Variants in FAM200B observed in about 807,000 individuals in gnomAD.
FAM200B encodes protein FAM200B.
Under a neutral mutation model 33.1 loss-of-function variants are expected in FAM200B, and 32 were observed. That is an observed-to-expected ratio of 0.97 (90% CI 0.73 to 1.30). FAM200B has a LOEUF of 1.30. Ranked by LOEUF, FAM200B falls within the 50% of genes most tolerant of loss-of-function variation. FAM200B has a pLI of 0.00. For synonymous variants in FAM200B, 240 were observed against 264.8 expected, an observed-to-expected ratio of 0.91 and a Z score of 0.91; for missense variants, 741 against 754.0, an observed-to-expected ratio of 0.98 and a Z score of 0.20.
the FAM200B span, among the ~76,000 whole-genome samples, chr4:15,654,196 G>A: frequency 6.6e-6 from 1 of 152,170 alleles, no homozygotes; most frequent in Non-Finnish European, 1.5e-5. Flanking sequence ...TGCAATTTCT[G>A]AGAATTCCTA....
the FAM200B span, among the ~76,000 whole-genome samples, chr4:15,666,998 A>C: frequency 2.0e-5 from 3 of 151,740 alleles, no homozygotes; most frequent in Non-Finnish European, 4.4e-5. Flanking sequence ...ATAAATTATC[A>C]ATCAAAATAA....
the FAM200B span, among the ~76,000 whole-genome samples, chr4:15,669,743 T>C: frequency 6.6e-6 from 1 of 152,344 alleles, no homozygotes; most frequent in East Asian, 1.9e-4. Context: ...GTCAGTACTT[T>C]TTTTCTTATT....
the FAM200B span, among the ~76,000 whole-genome samples, chr4:15,645,800 T>TTACTAACTC: frequency 6.6e-6 from 1 of 152,218 alleles, no homozygotes; most frequent in Admixed American, 6.5e-5. Flanking sequence ...ACATGGTTGT[T>TTACTAACTC]AGTACTCAAT....
chr4:15,684,881 T>C (rs1039031838), intron 1 of FAM200B: 1 of 152,230 alleles, frequency 6.6e-6, no homozygotes, highest in African/African-American at 2.4e-5. Flanking sequence ...ATGTCATCTT[T>C]CAAGGAAGCA....
Position 15,688,064 on chromosome 4 carries a change from A to G in FAM200B, c.1087A>G (p.Ser363Gly). 1 of 1,551,242 alleles carries G rather than the reference A, an allele frequency of 6.4e-7. No individual in the cohort carries two copies. Among genetic ancestry groups the G allele is most frequent in the South Asian group, 1.2e-5 (1 of 84,012 alleles). The stretch of plus-strand genomic sequence containing the variant: ...TTTTATTAAAGGAAGCTCATTGAAT[A>G]GCCGGCTTCTTGAAACATTTTGTTC... ...VNFIKGSSLN[S>G]RLLETFCSEI... The change falls in exon 2 of 2, where the codon AGC (serine) becomes GGC (glycine). Residue 363 changes from serine (S) to glycine (G), a missense_variant. Ser to Gly is a moderately conservative substitution (Grantham distance 56). Transcript: ENST00000422728.
chr4:15,655,898 A>G, the FAM200B span, among the ~76,000 whole-genome samples: 13 of 152,208 alleles, frequency 8.5e-5, no homozygotes, highest in Admixed American at 8.5e-4. Flanking sequence ...GCTCCCACCC[A>G]GCGGTTGGTG....
At chr4:15,640,975 C>T in the FAM200B span, 1 of 599,674 alleles carries the variant, frequency 1.7e-6, no homozygotes, top group Non-Finnish European at 2.8e-6. Flanking sequence ...CATAAAACCT[C>T]CGGGGAAAAA....
At chr4:15,673,023 A>C in the FAM200B span, among the ~76,000 whole-genome samples, 1 of 152,218 alleles carries the variant, frequency 6.6e-6, no homozygotes, top group African/African-American at 2.4e-5. Context: ...CTTCAAGGGC[A>C]ATAACATGCA....
chr4:15,654,863 C>T, the FAM200B span, among the ~76,000 whole-genome samples: 1 of 152,168 alleles, frequency 6.6e-6, no homozygotes, highest in Non-Finnish European at 1.5e-5. Context: ...TAGGGCCGCT[C>T]TCCTTAGAGG....
Sources: allele counts gnomAD v4.1 joint callset (sites outside exome capture counted in the v4.1 genomes callset), GRCh38; gene constraint gnomAD v4.1.1; transcripts MANE v1.5; gene names NCBI Gene and HGNC (gene_info 2026-07-23, HGNC 2026-07-21).